CEMIP2: variants seen among roughly 807,000 people sequenced by gnomAD.
CEMIP2 encodes cell migration inducing hyaluronidase 2.
In CEMIP2, 79 loss-of-function variants were observed where a neutral mutation model predicts 146.9. The observed-to-expected ratio is 0.54, with a 90% CI of 0.45 to 0.65. CEMIP2 has a LOEUF of 0.65. Ranked by LOEUF, CEMIP2 falls within the 30% of genes least tolerant of loss-of-function variation. The probability of loss-of-function intolerance (pLI) is 0.00; values close to 1 mark genes in which losing one functional copy is unlikely to be tolerated. For missense variants in CEMIP2, 1,596 were observed against 1,696.2 expected (o/e 0.94, Z 1.04); for synonymous variants, 601 against 606.3 (o/e 0.99, Z 0.13).
intron 20 of CEMIP2, among the ~76,000 whole-genome samples, chr9:71,695,516 A>G (rs1338159810): frequency 6.6e-6 from 1 of 152,056 alleles, no homozygotes; most frequent in Non-Finnish European, 1.5e-5. Context: ...CTCTATTAAA[A>G]ATACAAAAAT....
chr9:71,701,914 C>A (rs555461527), intron 18 of CEMIP2, among the ~76,000 whole-genome samples: 1 of 152,110 alleles, frequency 6.6e-6, no homozygotes, highest in African/African-American at 2.4e-5. Context: ...ATTTCCCAAA[C>A]TTTTTTGTCA....
At chr9:71,729,025 T>C (rs1292751937) in intron 10 of CEMIP2, among the ~76,000 whole-genome samples, 4 of 151,468 alleles carry the variant, frequency 2.6e-5, no homozygotes, top group Non-Finnish European at 4.4e-5. Context: ...GGGGAGGTGA[T>C]GATTGGGTTT....
At chr9:71,727,047 G>A (rs929482349) in intron 10 of CEMIP2, among the ~76,000 whole-genome samples, 1 of 152,138 alleles carries the variant, frequency 6.6e-6, no homozygotes, top group African/African-American at 2.4e-5. Flanking sequence ...ATTTACTTTG[G>A]GAGGAAAAAC....
chr9:71,756,915 G>T (rs1427188130), intron 1 of CEMIP2, among the ~76,000 whole-genome samples: 1 of 152,168 alleles, frequency 6.6e-6, no homozygotes. Flanking sequence ...ATTTTGTTAT[G>T]TTGACAGCCA....
intron 1 of CEMIP2, among the ~76,000 whole-genome samples, chr9:71,765,519 A>G (rs372178769): frequency 5.9e-5 from 9 of 152,304 alleles, no homozygotes; most frequent in Admixed American, 4.6e-4. Context: ...TCCAAGTCTG[A>G]CTTCAAGTCC....
At chr9:71,700,442 GCAAACATCTT>G (rs1822526391) in intron 19 of CEMIP2, among the ~76,000 whole-genome samples, 190 bp downstream of exon 19, 1 of 152,078 alleles carries the variant, frequency 6.6e-6, no homozygotes, top group Admixed American at 6.5e-5. Context: ...TACGTATACA[GCAAACATCTT>G]CACTCGATCC....
chr9:71,745,354 T>C lies in CEMIP2; in HGVS notation c.698A>G (p.His233Arg), dbSNP rs748871085. The C allele has an allele frequency of 1.9e-6, 3 of 1,613,876 alleles. No individual in the cohort carries two copies. The highest frequency in any genetic ancestry group is 2.2e-5 in the South Asian group (2 of 91,084). ...GVEAGGTLEL[H>R]GARKASWTLL... ...CGTCCACGATGCCTTCCGTGCCCCA[T>C]GTAACTCCAGTGTCCCGCCAGCTTC... Residue 233 changes from histidine (H) to arginine (R), a missense_variant, in exon 4 of 24, where the codon CAT (histidine) becomes CGT (arginine). Coordinates refer to ENST00000377044, the MANE Select transcript of CEMIP2 (RefSeq NM_013390.3).
rs778693686 is a variant in CEMIP2 at position 71,697,965 on chromosome 9, C to G, written c.3597+20G>C. 1 of 1,606,974 alleles carries G rather than the reference C, an allele frequency of 6.2e-7. No individual in the cohort carries two copies. The highest frequency in any genetic ancestry group is 2.2e-5 in the East Asian group (1 of 44,734). On this transcript the variant is annotated intron_variant, in intron 20 of 23. Transcript: ENST00000377044. ...TGACTTTTTCTCCTTGGCCACAGAC[C>G]ACTTTTCATCCTTGTTTACCTGCCG... is the stretch of plus-strand genomic sequence containing the variant.
In CEMIP2 at chr9:71,700,942, T is replaced by C. The variant is rs58402868; in HGVS notation, c.3195-118A>G. The C allele has an allele frequency of 3.8e-4, 342 of 908,202 alleles. 1 individual carries two copies. In the African/African-American group the frequency reaches 5.3e-3, roughly 14 times the overall value. The allele number at this position is 908,202 out of a possible 1,614,324, so 56.3% of individuals were successfully genotyped here. A position where few individuals can be genotyped will look rare whatever the true frequency, so the allele number is the denominator to read the frequency against. On this transcript the variant is annotated intron_variant, in intron 18 of 23. Transcript: ENST00000377044. ...ACTTCTTCCACTTCCTGCCCATAGT[T>C]TTCTCCTCCTTAAATTTCTTCTGTG...
intron 22 of CEMIP2, chr9:71,686,987 AC>A (rs1822080860): frequency 6.6e-6 from 1 of 152,222 alleles, no homozygotes; most frequent in African/African-American, 2.4e-5. Context: ...GGTTTGAATT[AC>A]CATTTTTGTC....
intron 4 of CEMIP2, among the ~76,000 whole-genome samples, chr9:71,741,231 T>G (rs1823906533): frequency 6.9e-6 from 1 of 145,556 alleles, no homozygotes; most frequent in African/African-American, 2.6e-5. Context: ...AGTTTCGCTC[T>G]TGTTACCCAG....
chr9:71,760,778 GAAGTA>G (rs751293987), intron 1 of CEMIP2, among the ~76,000 whole-genome samples: 1 of 152,182 alleles, frequency 6.6e-6, no homozygotes, highest in Non-Finnish European at 1.5e-5. Flanking sequence ...CCTCTAGGTG[GAAGTA>G]AAGAACTAGA....
At chr9:71,692,064 A>C (rs1167062358) in intron 21 of CEMIP2, among the ~76,000 whole-genome samples, 1 of 151,900 alleles carries the variant, frequency 6.6e-6, no homozygotes, top group Non-Finnish European at 1.5e-5. Context: ...AGCCAAGATC[A>C]AGCCACTGCA....
chr9:71,723,738 G>C (rs1246994767), intron 11 of CEMIP2, among the ~76,000 whole-genome samples: 1 of 152,122 alleles, frequency 6.6e-6, no homozygotes, highest in East Asian at 1.9e-4. Flanking sequence ...ACAGATTCGG[G>C]AGGCATCAGC....
At chr9:71,725,433 G>T in intron 11 of CEMIP2, 148 bp downstream of exon 11, 1 of 843,814 alleles carries the variant, frequency 1.2e-6, no homozygotes, top group Non-Finnish European at 1.7e-6. Flanking sequence ...CTTCAGAAGT[G>T]TGAGCCAAAT....
chr9:71,685,023 G>T lies in CEMIP2; in HGVS notation c.*174C>A. ...ACGTCTTTAACATTTTGTACAACTA[G>T]AAGGTGCATGAAGCTGGTATCCAAG... On this transcript the variant is annotated 3_prime_UTR_variant, in exon 24 of 24. Transcript: ENST00000377044. The T allele has an allele frequency of 1.8e-6, 1 of 562,888 alleles. No homozygotes were observed. The highest frequency in any genetic ancestry group is 3.0e-6 in the Non-Finnish European group (1 of 329,400). 34.9% of individuals were successfully genotyped at this position (562,888 alleles called of 1,614,324 possible). A position where few individuals can be genotyped will look rare whatever the true frequency, so the allele number is the denominator to read the frequency against.
intron 10 of CEMIP2, among the ~76,000 whole-genome samples, chr9:71,726,910 T>C (rs1208787968): frequency 1.3e-5 from 2 of 151,940 alleles, no homozygotes; most frequent in Non-Finnish European, 2.9e-5. Flanking sequence ...GCAATGGAGA[T>C]GGAGATGGGA....
At chr9:71,724,273 G>A (rs1041607029) in intron 11 of CEMIP2, among the ~76,000 whole-genome samples, 1 of 151,456 alleles carries the variant, frequency 6.6e-6, no homozygotes, top group East Asian at 1.9e-4. Flanking sequence ...TAGCCTGGGC[G>A]ACAGAGCAAG....
chr9:71,743,710 A>C (rs896512570), intron 4 of CEMIP2, among the ~76,000 whole-genome samples: 1 of 152,350 alleles, frequency 6.6e-6, no homozygotes, highest in Non-Finnish European at 1.5e-5. Flanking sequence ...GCTCTGAGAC[A>C]GTGTCCTTTC....
Sources: allele counts gnomAD v4.1 joint callset (sites outside exome capture counted in the v4.1 genomes callset), GRCh38; gene constraint gnomAD v4.1.1; transcripts MANE v1.5; gene names NCBI Gene and HGNC (gene_info 2026-07-23, HGNC 2026-07-21).